The following SPNS2 variants were observed in gnomAD, a reference collection of about 807,000 sequenced individuals.
SPNS2 encodes sphingosine-1-phosphate transporter SPNS2.
SPNS2 carries 37 observed loss-of-function variants against 57.6 expected under a neutral mutation model. The ratio of observed to expected loss-of-function variants is 0.64; its 90% CI spans 0.49 to 0.85. The LOEUF is 0.85. SPNS2 is among the 40% of genes least tolerant of loss of function. The pLI, the probability that SPNS2 is intolerant of heterozygous loss-of-function variation, is 0.00. For missense variants in SPNS2, 831 were observed against 779.1 expected (o/e 1.07, Z -0.79); for synonymous variants, 440 against 346.9 (o/e 1.27, Z -2.98).
intron 4 of SPNS2, 134 bp from the exon 5 acceptor site, chr17:4,530,919 G>T: frequency 6.8e-7 from 1 of 1,472,874 alleles, no homozygotes; most frequent in South Asian, 1.3e-5. Context: ...GTCAGCCTTT[G>T]AGAATCTCCT....
Position 4,536,406 on chromosome 17 carries a change from C to A in SPNS2, c.1587C>A (p.Asp529Glu), listed in dbSNP as rs758034689. ...CCACTGCGCTCTTCTTCGTCAGCGA[C>A]CGCGCCAGGGCTGAGCAGCAGTGAG... ...FLATALFFVS[D>E]RARAEQQVNQ... The change falls in exon 11 of 13, where the codon GAC becomes GAA. Residue 529 changes from aspartate (D) to glutamate (E), a missense_variant. By Grantham distance (45) the Asp-to-Glu change is conservative. Transcript: ENST00000329078. The A allele has an allele frequency of 6.2e-7, 1 of 1,601,610 alleles. No homozygotes were observed. Among genetic ancestry groups the A allele is most frequent in the South Asian group, 1.1e-5 (1 of 90,958 alleles).
At chr17:4,521,557 C>T (rs9890275) in intron 2 of SPNS2, among the ~76,000 whole-genome samples, 71,379 of 152,196 alleles carry the variant, frequency 0.47, 18,189 homozygotes, top group East Asian at 0.77. Flanking sequence ...GATGAGGATG[C>T]TGGCATGTTG....
chr17:4,521,082 G>A (rs897568888), intron 2 of SPNS2, among the ~76,000 whole-genome samples: 3 of 152,090 alleles, frequency 2.0e-5, no homozygotes, highest in Non-Finnish European at 2.9e-5. Flanking sequence ...CACCGCCTCC[G>A]GGAAGCCTCT....
intron 3 of SPNS2, among the ~76,000 whole-genome samples, chr17:4,529,696 A>G (rs1289588923): frequency 6.6e-6 from 1 of 152,090 alleles, no homozygotes; most frequent in Non-Finnish European, 1.5e-5. Flanking sequence ...AAAAGAAATC[A>G]ATGCAAAAGA....
At chr17:4,532,424 C>A in intron 5 of SPNS2, 118 bp from the exon 6 acceptor site, 2 of 1,449,156 alleles carry the variant, frequency 1.4e-6, no homozygotes, top group African/African-American at 2.8e-5. Flanking sequence ...TGGGCAGATA[C>A]CTGCTCAGAG....
At chr17:4,532,803 G>A in intron 6 of SPNS2, 119 bp downstream of exon 6, 2 of 1,456,750 alleles carry the variant, frequency 1.4e-6, no homozygotes, top group South Asian at 1.3e-5. Context: ...TGCTGTCTCA[G>A]TGCTGGGAGG....
chr17:4,523,394 C>T (rs544382704), intron 2 of SPNS2, among the ~76,000 whole-genome samples: 1 of 152,196 alleles, frequency 6.6e-6, no homozygotes, highest in Admixed American at 6.5e-5. Context: ...GCGGAAATCG[C>T]ACCACTGCAC....
chr17:4,503,873 A>AG (rs761484544), intron 1 of SPNS2, among the ~76,000 whole-genome samples: 9 of 152,150 alleles, frequency 5.9e-5, no homozygotes, highest in Non-Finnish European at 1.2e-4. Context: ...CGATGAGCAT[A>AG]GGGACCCAGC....
chr17:4,502,257 G>A (rs1214776899), intron 1 of SPNS2, among the ~76,000 whole-genome samples: 1 of 151,988 alleles, frequency 6.6e-6, no homozygotes, highest in Non-Finnish European at 1.5e-5. Context: ...GTGCACACCT[G>A]TAGTCCCAGC....
chr17:4,528,094 T>C (rs78539489), intron 3 of SPNS2, among the ~76,000 whole-genome samples: 46,946 of 151,298 alleles, frequency 0.31, 7,578 homozygotes, highest in East Asian at 0.44. Flanking sequence ...ACAATCTGGG[T>C]TCACTGCAAC....
At chr17:4,517,613 A>G (rs1038725168) in intron 2 of SPNS2, among the ~76,000 whole-genome samples, 5 of 152,090 alleles carry the variant, frequency 3.3e-5, no homozygotes, top group African/African-American at 9.7e-5. Flanking sequence ...CCAAGATCAC[A>G]CCACTGCACT....
chr17:4,507,554 A>G (rs1904715213), intron 1 of SPNS2, among the ~76,000 whole-genome samples: 1 of 152,276 alleles, frequency 6.6e-6, no homozygotes, highest in East Asian at 1.9e-4. Context: ...AAGCCATATT[A>G]CAGAGGAGGA....
intron 2 of SPNS2, among the ~76,000 whole-genome samples, chr17:4,515,748 C>T (rs1904968341): frequency 6.6e-6 from 1 of 152,186 alleles, no homozygotes; most frequent in Admixed American, 6.5e-5. Flanking sequence ...TTGGTGCTTG[C>T]CCAGATCAAA....
In SPNS2 at chr17:4,499,311, C is replaced by T; in HGVS notation, c.264C>T (p.Gly88=). Residue 88 remains glycine (G), a synonymous_variant, in exon 1 of 13, where the codon GGC becomes GGT. Coordinates refer to ENST00000329078, the MANE Select transcript of SPNS2 (RefSeq NM_001124758.3). The surrounding 1 kb of genome is among the most constrained non-coding windows in gnomAD (Gnocchi z 5.2). ...GCGCAGCTACTGCAAAGGGCCCCGGCGCTCAGCAGCCCAAACCGGCCAGCT... is the reference window on the plus strand; with the variant it reads ...GCGCAGCTACTGCAAAGGGCCCCGGTGCTCAGCAGCCCAAACCGGCCAGCT... ...PGCAATAKGP[G]AQQPKPASLG... is the part of the protein sequence containing the mutation. 6.7e-7 allele frequency: 1 copy of T among 1,496,108 alleles called. No homozygotes were observed. Among genetic ancestry groups the T allele is most frequent in the South Asian group, 1.3e-5 (1 of 79,900 alleles). 92.7% of individuals were successfully genotyped at this position (1,496,108 alleles called of 1,614,324 possible).
intron 2 of SPNS2, among the ~76,000 whole-genome samples, chr17:4,521,672 C>T (rs928736557): frequency 1.3e-5 from 2 of 152,234 alleles, no homozygotes; most frequent in African/African-American, 4.8e-5. Flanking sequence ...ATGATATCGG[C>T]TTACAATTAA....
At chr17:4,513,572 T>C (rs1904908324) in intron 2 of SPNS2, among the ~76,000 whole-genome samples, 1 of 152,026 alleles carries the variant, frequency 6.6e-6, no homozygotes, top group Non-Finnish European at 1.5e-5. Context: ...CAGGCAGAGG[T>C]TGCAGAGGTG....
rs1482214585 is a variant in SPNS2, at chr17:4,512,699, G to T, written c.371-548G>T. On this transcript the variant is annotated intron_variant, in intron 1 of 12. Coordinates refer to ENST00000329078, the MANE Select transcript of SPNS2 (RefSeq NM_001124758.3). The surrounding 1 kb of genome is among the most constrained non-coding windows in gnomAD (Gnocchi z 5.2). Reference sequence around the variant, plus strand: ...GCGTGGGTGTGTATGCATGTGTGCAGGTGTGTGCACACACGTGCGTGCGTG... The same window carrying T: ...GCGTGGGTGTGTATGCATGTGTGCATGTGTGTGCACACACGTGCGTGCGTG... Among the ~76,000 whole-genome samples, 1 of 151,256 alleles carries T rather than the reference G, an allele frequency of 6.6e-6. No individual in the cohort carries two copies. The highest frequency in any genetic ancestry group is 1.9e-4 in the East Asian group (1 of 5,140).
chr17:4,516,887 C>T (rs9898961), intron 2 of SPNS2, among the ~76,000 whole-genome samples: 4,849 of 152,256 alleles, frequency 0.032, 98 homozygotes, highest in Middle Eastern at 0.051. Flanking sequence ...ACCAGATAAA[C>T]GTCTTCGAAG....
At position 4,533,407 on chromosome 17, in the gene SPNS2, C is replaced by T. The variant is rs777841113; in HGVS notation, c.1253C>T (p.Ala418Val). Residue 418 changes from alanine to valine, a missense_variant, in exon 8 of 13, where the codon GCC (alanine) becomes GTC (valine). Transcript: ENST00000329078. Reference protein sequence around the residue: ...AIFICLIFVAAKSSIVGAYIC... With the variant: ...AIFICLIFVAVKSSIVGAYIC... ...TTCATCTGCCTGATCTTCGTGGCTG[C>T]CAAGAGCAGCATCGTAGGAGCCTAT... The T allele has an allele frequency of 1.2e-6, 2 of 1,607,496 alleles. No individual in the cohort carries two copies. Among genetic ancestry groups the T allele is most frequent in the Non-Finnish European group, 8.5e-7 (1 of 1,177,502 alleles).
Sources: allele counts gnomAD v4.1 joint callset (sites outside exome capture counted in the v4.1 genomes callset), GRCh38; gene constraint gnomAD v4.1.1; non-coding constraint Gnocchi (gnomAD v3.1); transcripts MANE v1.5; gene names NCBI Gene and HGNC (gene_info 2026-07-23, HGNC 2026-07-21).